ST3GAL4: variants seen among roughly 807,000 people sequenced by gnomAD.
ST3GAL4 encodes the protein CMP-N-acetylneuraminate-beta-galactosamide-alpha-2,3-sialyltransferase 4.
ST3GAL4 carries 24 observed loss-of-function variants against 42.6 expected under a neutral mutation model. That is an observed-to-expected ratio of 0.56 (90% CI 0.41 to 0.79). The LOEUF is 0.79. Ranked by LOEUF, ST3GAL4 falls within the 30% of genes least tolerant of loss-of-function variation. The pLI is 0.00. For missense variants in ST3GAL4, 311 were observed against 430.8 expected (o/e 0.72, Z 2.46); for synonymous variants, 135 against 163.2 (o/e 0.83, Z 1.32).
chr11:126,406,219 A>G lies in ST3GAL4; in HGVS notation c.16+48A>G. 2 of 1,553,214 alleles carry G rather than the reference A, an allele frequency of 1.3e-6. No homozygotes were observed. Among genetic ancestry groups the G allele is most frequent in the Non-Finnish European group, 1.7e-6 (2 of 1,148,538 alleles). ...CCCACCCTGGAGGACAGGCCTCAGA[A>G]GCCGTCTTCAGCAGGATCCTGGGAC... On this transcript the variant is annotated intron_variant, in intron 2 of 10. Transcript: ENST00000444328. This position sits in a 1 kb window ranked among gnomAD's most constrained non-coding sequence, Gnocchi z 5.4.
In ST3GAL4 at chr11:126,398,245, C is replaced by A. The variant is rs981799164; in HGVS notation, c.-60-7851C>A. On this transcript the variant is annotated intron_variant, in intron 1 of 10. Coordinates refer to ENST00000444328, the MANE Select transcript of ST3GAL4 (RefSeq NM_001254757.2). The surrounding 1 kb of genome is among the most constrained non-coding windows in gnomAD (Gnocchi z 4.7). ...GTACAGTGATGGGACAGGCATAGGA[C>A]AGATATTCCATTCCAAAAGGGAGAG... Among the ~76,000 whole-genome samples the A allele has an allele frequency of 1.3e-5, 2 of 152,200 alleles. No homozygotes were observed. Among genetic ancestry groups the A allele is most frequent in the African/African-American group, 4.8e-5 (2 of 41,444 alleles).
chr11:126,386,213 C>T lies in ST3GAL4; in HGVS notation c.-60-19883C>T, dbSNP rs1162844319. Reference sequence around the variant, plus strand: ...GTGGCCCTCACTCTCTGCCCCTGTGCCCTGTGTTAGTGGTCCTGTGGTTGT... The same window carrying T: ...GTGGCCCTCACTCTCTGCCCCTGTGTCCTGTGTTAGTGGTCCTGTGGTTGT... On this transcript the variant is annotated intron_variant, in intron 1 of 10. Coordinates refer to ENST00000444328, the MANE Select transcript of ST3GAL4 (RefSeq NM_001254757.2). The surrounding 1 kb of genome is among the most constrained non-coding windows in gnomAD (Gnocchi z 4.7). Among the ~76,000 whole-genome samples the T allele has an allele frequency of 2.6e-5, 4 of 152,158 alleles. No individual in the cohort carries two copies. Among genetic ancestry groups the T allele is most frequent in the East Asian group, 1.9e-4 (1 of 5,186 alleles).
chr11:126,386,893 AC>A lies in ST3GAL4; in HGVS notation c.-60-19202del, dbSNP rs1953245856. 6.6e-6 allele frequency among the ~76,000 whole-genome samples: 1 copy of A among 152,086 alleles called. No homozygotes were observed. Among genetic ancestry groups the A allele is most frequent in the Non-Finnish European group, 1.5e-5 (1 of 68,000 alleles). On this transcript the variant is annotated intron_variant, in intron 1 of 10. Transcript: ENST00000444328. This position sits in a 1 kb window ranked among gnomAD's most constrained non-coding sequence, Gnocchi z 4.7. ...TTTCCTGTAAATTAGGAACGGTAAC[AC>A]ACACACCCCTCCCCCACCCCGCTGG...
chr11:126,379,639 G>A lies in ST3GAL4; in HGVS notation c.-61+23797G>A, dbSNP rs1952928731. On this transcript the variant is annotated intron_variant, in intron 1 of 10. Transcript: ENST00000444328. The surrounding 1 kb of genome is among the most constrained non-coding windows in gnomAD (Gnocchi z 4.2). ...ATTACAGGAATCTGCCACCACACCTGGCTAATTTTTGTATTTTTAGTAGAG... is the reference window on the plus strand; with the variant it reads ...ATTACAGGAATCTGCCACCACACCTAGCTAATTTTTGTATTTTTAGTAGAG... Among the ~76,000 whole-genome samples, 1 of 151,946 alleles carries A rather than the reference G, an allele frequency of 6.6e-6. No individual in the cohort carries two copies. Among genetic ancestry groups the A allele is most frequent in the Non-Finnish European group, 1.5e-5 (1 of 67,992 alleles).
chr11:126,387,080 A>G (rs1953253278), intron 1 of ST3GAL4, among the ~76,000 whole-genome samples: 1 of 152,180 alleles, frequency 6.6e-6, no homozygotes, highest in Admixed American at 6.5e-5. Context: ...AAGGAGGGCA[A>G]GTAGGGCCAG....
rs1953829103 is a variant in ST3GAL4 at position 126,397,450 on chromosome 11, C to T, written c.-60-8646C>T. ...CTTGTATAATATAAAATTTTGTTAC[C>T]TCTAAGTGCTGAAATTAAGGTATAA... On this transcript the variant is annotated intron_variant, in intron 1 of 10. Coordinates refer to ENST00000444328, the MANE Select transcript of ST3GAL4 (RefSeq NM_001254757.2). The surrounding 1 kb of genome is among the most constrained non-coding windows in gnomAD (Gnocchi z 5.0). Among the ~76,000 whole-genome samples, 1 of 152,058 alleles carries T rather than the reference C, an allele frequency of 6.6e-6. No individual in the cohort carries two copies. Among genetic ancestry groups the T allele is most frequent in the Non-Finnish European group, 1.5e-5 (1 of 68,018 alleles).
Position 126,396,520 on chromosome 11 carries a change from T to A in ST3GAL4, c.-60-9576T>A, listed in dbSNP as rs1253702732. On this transcript the variant is annotated intron_variant, in intron 1 of 10. Coordinates refer to ENST00000444328, the MANE Select transcript of ST3GAL4 (RefSeq NM_001254757.2). The surrounding 1 kb of genome is among the most constrained non-coding windows in gnomAD (Gnocchi z 5.8). ...CAGAGCTTCCAGAGAGCACCAGGGC[T>A]GTGGGGGCTAGAGACTGTGTCTCGT... Among the ~76,000 whole-genome samples the A allele has an allele frequency of 2.6e-5, 4 of 151,900 alleles. No homozygotes were observed. Among genetic ancestry groups the A allele is most frequent in the Non-Finnish European group, 5.9e-5 (4 of 68,010 alleles).
chr11:126,413,835 C>A, intron 10 of ST3GAL4, 126 bp from the exon 11 acceptor site: 1 of 1,406,698 alleles, frequency 7.1e-7, no homozygotes, highest in Non-Finnish European at 9.8e-7. Context: ...GTCTTCCTTC[C>A]AAGAGCCAGC....
chr11:126,370,679 T>TA (rs1355757010), intron 1 of ST3GAL4, among the ~76,000 whole-genome samples: 1 of 148,414 alleles, frequency 6.7e-6, no homozygotes, highest in East Asian at 1.9e-4. Flanking sequence ...CTCCATTCCT[T>TA]TTTTTTTTTT....
chr11:126,399,960 G>C (rs1476867891), intron 1 of ST3GAL4, among the ~76,000 whole-genome samples: 1 of 152,076 alleles, frequency 6.6e-6, no homozygotes, highest in Non-Finnish European at 1.5e-5. Flanking sequence ...TTTCCCTACA[G>C]ATCTTCTAAT....
Position 126,359,638 on chromosome 11 carries a change from C to T in ST3GAL4, c.-61+3796C>T, listed in dbSNP as rs531097941. On this transcript the variant is annotated intron_variant, in intron 1 of 10. Transcript: ENST00000444328. This position sits in a 1 kb window ranked among gnomAD's most constrained non-coding sequence, Gnocchi z 4.8. ...AAACCCTGACCTCTGAGTGCTCTCCCGAACCCCACATCCCGGCCGGGCCGT... is the reference window on the plus strand; with the variant it reads ...AAACCCTGACCTCTGAGTGCTCTCCTGAACCCCACATCCCGGCCGGGCCGT... Among the ~76,000 whole-genome samples, 3 of 152,312 alleles carry T rather than the reference C, an allele frequency of 2.0e-5. No individual in the cohort carries two copies. The highest frequency in any genetic ancestry group is 1.9e-4 in the East Asian group (1 of 5,178).
intron 1 of ST3GAL4, among the ~76,000 whole-genome samples, chr11:126,402,091 A>AGTGGGGGG (rs146212978): frequency 1.5e-5 from 2 of 131,670 alleles, no homozygotes; most frequent in African/African-American, 2.8e-5. Flanking sequence ...ATTTGGGGGA[A>AGTGGGGGG]AGAGGGGAGG....
chr11:126,414,380 C>T lies in ST3GAL4; in HGVS notation c.*333C>T. On this transcript the variant is annotated 3_prime_UTR_variant, in exon 11 of 11. Coordinates refer to ENST00000444328, the MANE Select transcript of ST3GAL4 (RefSeq NM_001254757.2). ...GAAGGTGCTGTGGGCTGGTCCCACA[C>T]ATCCAGGAAAGAGGCCAGTAGAGAA... is the stretch of plus-strand genomic sequence containing the variant. 1 of 313,022 alleles carries T rather than the reference C, an allele frequency of 3.2e-6. No individual in the cohort carries two copies. The highest frequency in any genetic ancestry group is 6.1e-6 in the Non-Finnish European group (1 of 164,212). The allele number at this position is 313,022 out of a possible 1,614,324, so 19.4% of individuals were successfully genotyped here. A position where few individuals can be genotyped will look rare whatever the true frequency, so the allele number is the denominator to read the frequency against.
chr11:126,413,600 G>T lies in ST3GAL4; in HGVS notation c.867G>T (p.Lys289Asn). Residue 289 changes from lysine to asparagine, a missense_variant, in exon 10 of 11, where the codon AAG (lysine) becomes AAT (asparagine). By Grantham distance (94) the Lys-to-Asn change is moderately conservative. Coordinates refer to ENST00000444328, the MANE Select transcript of ST3GAL4 (RefSeq NM_001254757.2). ...TTGGCTACCCAGACGCCTACAACAA[G>T]AAGCAGACCATTCACTACTATGAGC... is the stretch of plus-strand genomic sequence containing the variant. ...AGFGYPDAYN[K>N]KQTIHYYEQI... The T allele has an allele frequency of 6.2e-7, 1 of 1,614,264 alleles. No homozygotes were observed. The highest frequency in any genetic ancestry group is 1.1e-5 in the South Asian group (1 of 91,088).
At chr11:126,390,015 T>TAAAAAAAAAAA (rs1953418421) in intron 1 of ST3GAL4, among the ~76,000 whole-genome samples, 2 of 33,198 alleles carry the variant, frequency 6.0e-5, no homozygotes, top group Non-Finnish European at 1.1e-4. Flanking sequence ...CTGCTAAAAA[T>TAAAAAAAAAAA]ACAAAAAAAA....
rs1410460309 is a variant in ST3GAL4, at chr11:126,396,293, A to G, written c.-60-9803A>G. ...GGCTGTGGAATGTGTGGAAGCAGGT[A>G]CAGCCCAGGCCCGCGCTGAGGTTCG... On this transcript the variant is annotated intron_variant, in intron 1 of 10. Transcript: ENST00000444328. This position sits in a 1 kb window ranked among gnomAD's most constrained non-coding sequence, Gnocchi z 5.8. 1.3e-5 allele frequency among the ~76,000 whole-genome samples: 2 copies of G among 152,064 alleles called. No individual in the cohort carries two copies. Among genetic ancestry groups the G allele is most frequent in the South Asian group, 2.1e-4 (1 of 4,832 alleles).
chr11:126,407,080 G>C, intron 4 of ST3GAL4, 57 bp downstream of exon 4: 1 of 1,559,968 alleles, frequency 6.4e-7, no homozygotes, highest in East Asian at 2.2e-5. Context: ...TGGGATTGAG[G>C]GTTTCACAGT....
chr11:126,387,680 A>G (rs1953283672), intron 1 of ST3GAL4, among the ~76,000 whole-genome samples: 1 of 152,096 alleles, frequency 6.6e-6, no homozygotes, highest in Non-Finnish European at 1.5e-5. Flanking sequence ...TCTCAAAAAA[A>G]AAAAAAAAAT....
At chr11:126,365,910 C>T (rs1209922478) in intron 1 of ST3GAL4, among the ~76,000 whole-genome samples, 5 of 152,146 alleles carry the variant, frequency 3.3e-5, no homozygotes, top group Non-Finnish European at 7.4e-5. Flanking sequence ...GTACCCTCGG[C>T]CAAATGGCCA....
Sources: gnomAD v4.1 joint callset for allele counts (sites outside exome capture counted in the v4.1 genomes callset) on GRCh38, gnomAD v4.1.1 for gene constraint, Gnocchi (gnomAD v3.1) non-coding constraint, MANE v1.5 for transcripts, NCBI Gene and HGNC (gene_info 2026-07-23, HGNC 2026-07-21) for gene names.